The following STARD10 variants were observed in gnomAD, a reference collection of about 807,000 sequenced individuals.
STARD10 encodes the protein StAR related lipid transfer domain containing 10.
STARD10 carries 24 observed loss-of-function variants against 36.0 expected under a neutral mutation model. The observed-to-expected ratio is 0.67, with a 90% CI of 0.48 to 0.94. STARD10 has a LOEUF of 0.94. Ranked by LOEUF, STARD10 falls within the 40% of genes least tolerant of loss-of-function variation. STARD10 has a pLI of 0.00. For missense variants in STARD10, 335 were observed against 396.6 expected (o/e 0.84, Z 1.32); for synonymous variants, 156 against 161.9 (o/e 0.96, Z 0.28).
At position 72,761,917 on chromosome 11, in the gene STARD10, C is replaced by CTTTTTTTTTTTTTT. The variant is rs1189000490; in HGVS notation, c.208-2550_208-2537dup. Among the ~76,000 whole-genome samples, 81 of 37,476 alleles carry CTTTTTTTTTTTTTT rather than the reference C, an allele frequency of 2.2e-3. 6 individuals carry two copies. Among genetic ancestry groups the CTTTTTTTTTTTTTT allele is most frequent in the Non-Finnish European group, 3.2e-3 (68 of 21,010 alleles). The allele number at this position is 37,476 out of a possible 152,430, so 24.6% of individuals were successfully genotyped here. On this transcript the variant is annotated intron_variant, in intron 2 of 6. Coordinates refer to ENST00000334805, the MANE Select transcript of STARD10 (RefSeq NM_006645.3). The stretch of plus-strand genomic sequence containing the variant: ...TCTGTATTTCTTTTTCTTTTCTTTT[C>CTTTTTTTTTTTTTT]TTTTTTTTTTTTTTTTTTTTTTTTT...
rs760245440 is a variant in STARD10 at position 72,757,805 on chromosome 11, C to T, written c.539G>A (p.Ser180Asn). 5.0e-6 allele frequency: 8 copies of T among 1,614,104 alleles called. No homozygotes were observed. In the African/African-American group the frequency reaches 9.3e-5, roughly 19 times the overall value. ...CTGGGCCAGGTAGGTGATGACGCAGCTCTTGGGCCCTGTGCTCTGGATGAG... is the reference window on the plus strand; with the variant it reads ...CTGGGCCAGGTAGGTGATGACGCAGTTCTTGGGCCCTGTGCTCTGGATGAG... ...GYLIQSTGPK[S>N]CVITYLAQVD... The change falls in exon 5 of 7, where the codon AGC becomes AAC. Residue 180 changes from serine (S) to asparagine (N), a missense_variant. By Grantham distance (46) the Ser-to-Asn change is conservative (BLOSUM62 1). Transcript: ENST00000334805.
intron 2 of STARD10, among the ~76,000 whole-genome samples, chr11:72,778,528 G>T (rs185577013): frequency 1.3e-5 from 2 of 152,324 alleles, no homozygotes; most frequent in Admixed American, 1.3e-4. Flanking sequence ...TCAGGAGTGG[G>T]AGCTGGCACC....
chr11:72,765,816 C>CAAAA (rs752801080), intron 2 of STARD10, among the ~76,000 whole-genome samples: 8 of 118,196 alleles, frequency 6.8e-5, no homozygotes, highest in South Asian at 2.7e-4. Context: ...ACTAAAAATA[C>CAAAA]AAAAAAAAAA....
intron 1 of STARD10, among the ~76,000 whole-genome samples, chr11:72,786,190 A>G (rs1262382309): frequency 6.6e-6 from 1 of 152,172 alleles, no homozygotes; most frequent in Non-Finnish European, 1.5e-5. Context: ...CGTCTCTACT[A>G]AAAATTTAAA....
rs752801080 is a variant in STARD10, at chr11:72,765,816, C to CAAAAAAAA, written c.208-6443_208-6436dup. 4.5e-4 allele frequency among the ~76,000 whole-genome samples: 53 copies of CAAAAAAAA among 118,194 alleles called. 2 individuals are homozygous for CAAAAAAAA. Among genetic ancestry groups the CAAAAAAAA allele is most frequent in the African/African-American group, 1.8e-3 (52 of 28,750 alleles). 77.5% of individuals were successfully genotyped at this position (118,194 alleles called of 152,430 possible). ...TGAAAACCTGTCTCTACTAAAAATA[C>CAAAAAAAA]AAAAAAAAAAAAAAATTAGCTGGGT... On this transcript the variant is annotated intron_variant, in intron 2 of 6. Transcript: ENST00000334805.
intron 2 of STARD10, among the ~76,000 whole-genome samples, chr11:72,774,473 C>T (rs1858905370): frequency 6.6e-6 from 1 of 152,176 alleles, no homozygotes; most frequent in African/African-American, 2.4e-5. Flanking sequence ...GGCATGGTAC[C>T]CTCTGCTGCC....
At chr11:72,773,697 C>T (rs1858894226) in intron 2 of STARD10, among the ~76,000 whole-genome samples, 1 of 152,164 alleles carries the variant, frequency 6.6e-6, no homozygotes, top group Non-Finnish European at 1.5e-5. Flanking sequence ...CCACATCACA[C>T]ACACAGTCAC....
intron 1 of STARD10, among the ~76,000 whole-genome samples, chr11:72,787,884 C>T (rs939257835): frequency 6.6e-6 from 1 of 152,206 alleles, no homozygotes; most frequent in African/African-American, 2.4e-5. Context: ...GTTTCTTCTT[C>T]TTTTTTATCT....
intron 2 of STARD10, among the ~76,000 whole-genome samples, chr11:72,764,849 C>T (rs1044506810): frequency 9.9e-5 from 15 of 152,190 alleles, no homozygotes; most frequent in Admixed American, 9.2e-4. Context: ...TGGCTGCCCC[C>T]GGAGAAACTC....
At chr11:72,779,143 G>C (rs983952993) in intron 2 of STARD10, among the ~76,000 whole-genome samples, 2 of 152,190 alleles carry the variant, frequency 1.3e-5, no homozygotes, top group Admixed American at 1.3e-4. Flanking sequence ...CTGACTTTCT[G>C]GAGTGCCAGC....
chr11:72,783,921 C>G (rs902987531), intron 1 of STARD10, among the ~76,000 whole-genome samples: 1 of 152,136 alleles, frequency 6.6e-6, no homozygotes, highest in African/African-American at 2.4e-5. Context: ...GAGCCAAACA[C>G]AGAAGAACCA....
intron 5 of STARD10, 110 bp from the exon 6 acceptor site, chr11:72,755,863 T>A: frequency 9.9e-7 from 1 of 1,010,282 alleles, no homozygotes; most frequent in Admixed American, 2.7e-5. Flanking sequence ...GTCTTCCCCA[T>A]GAGGAGGAGG....
In STARD10 at chr11:72,757,902, A is replaced by G. The variant is rs1219301494; in HGVS notation, c.460-18T>C. ...GGGTATTTCTGGGGATGGAAGGCAC[A>G]GGGAGGTGAGACTCGGGGTGGGGGC... On this transcript the variant is annotated intron_variant, in intron 4 of 6. Coordinates refer to ENST00000334805, the MANE Select transcript of STARD10 (RefSeq NM_006645.3). 11 of 1,611,012 alleles carry G rather than the reference A, an allele frequency of 6.8e-6. No homozygotes were observed. The highest frequency in any genetic ancestry group is 9.3e-6 in the Non-Finnish European group (11 of 1,177,186).
Position 72,781,336 on chromosome 11 carries a change from C to A in STARD10, c.-113-42G>T, listed in dbSNP as rs1276208827. On this transcript the variant is annotated intron_variant, in intron 1 of 6. Transcript: ENST00000334805. The surrounding 1 kb of genome is among the most constrained non-coding windows in gnomAD (Gnocchi z 4.7). The stretch of plus-strand genomic sequence containing the variant: ...GGGACGGGAATCAGTGCGCTGGGGG[C>A]GCGGGTGGGGCTGTTCGGGGTCCTG... 1 of 647,008 alleles carries A rather than the reference C, an allele frequency of 1.5e-6. No homozygotes were observed. Among genetic ancestry groups the A allele is most frequent in the East Asian group, 2.7e-5 (1 of 36,428 alleles). The allele number at this position is 647,008 out of a possible 1,614,324, so 40.1% of individuals were successfully genotyped here.
At chr11:72,769,592 C>T (rs1391628390) in intron 2 of STARD10, among the ~76,000 whole-genome samples, 1 of 151,878 alleles carries the variant, frequency 6.6e-6, no homozygotes, top group East Asian at 1.9e-4. Flanking sequence ...GATCCTCCCA[C>T]CTCAGCCTCT....
intron 2 of STARD10, among the ~76,000 whole-genome samples, chr11:72,760,926 T>A (rs1293747111): frequency 3.9e-5 from 6 of 152,150 alleles, no homozygotes; most frequent in Admixed American, 2.6e-4. Flanking sequence ...AACTGGCATT[T>A]AGACAGTGCC....
At chr11:72,783,220 G>A (rs1859027850) in intron 1 of STARD10, among the ~76,000 whole-genome samples, 2 of 152,204 alleles carry the variant, frequency 1.3e-5, no homozygotes. Flanking sequence ...GAGTGGGGGT[G>A]AGCGGGGAGC....
intron 2 of STARD10, among the ~76,000 whole-genome samples, chr11:72,761,606 G>A (rs536600955): frequency 3.9e-5 from 6 of 152,122 alleles, no homozygotes; most frequent in Middle Eastern, 3.4e-3. Flanking sequence ...TTATCTGGGC[G>A]TAGTGGCACA....
intron 2 of STARD10, among the ~76,000 whole-genome samples, chr11:72,779,130 C>A (rs1858960364): frequency 6.6e-6 from 1 of 152,218 alleles, no homozygotes; most frequent in African/African-American, 2.4e-5. Flanking sequence ...GACCCCTCCT[C>A]CTCTGACTTT....
Sources: gnomAD v4.1 joint callset for allele counts (sites outside exome capture counted in the v4.1 genomes callset) on GRCh38, gnomAD v4.1.1 for gene constraint, Gnocchi (gnomAD v3.1) non-coding constraint, MANE v1.5 for transcripts, NCBI Gene and HGNC (gene_info 2026-07-23, HGNC 2026-07-21) for gene names.